Variants in NPSR1 observed in about 807,000 individuals in gnomAD.
The protein encoded by NPSR1 is neuropeptide S receptor 1.
A neutral mutation model predicts 46.9 loss-of-function variants in NPSR1; 48 were observed. The observed-to-expected ratio is 1.02, with a 90% CI of 0.81 to 1.30. NPSR1 has a LOEUF of 1.30. NPSR1 is among the 50% of genes most tolerant of loss of function. NPSR1 has a pLI of 0.00. For missense variants in NPSR1, 450 were observed against 449.5 expected, an observed-to-expected ratio of 1.00 and a Z score of -0.01; for synonymous variants, 176 against 168.1, an observed-to-expected ratio of 1.05 and a Z score of -0.36.
chr7:34,845,948 T>C (rs973504723), intron 7 of NPSR1, among the ~76,000 whole-genome samples: 14 of 152,114 alleles, frequency 9.2e-5, no homozygotes, highest in Admixed American at 4.6e-4. Flanking sequence ...GATCTCCCAT[T>C]AGCTGCATGT....
intron 2 of NPSR1, chr7:34,751,315 C>T (rs1327061436): frequency 1.7e-5 from 17 of 1,005,434 alleles, no homozygotes; most frequent in Non-Finnish European, 2.6e-5. Context: ...GAAAGTGGTA[C>T]TGATCATGCA....
intron 1 of NPSR1, among the ~76,000 whole-genome samples, chr7:34,671,078 A>G (rs1053188058): frequency 3.3e-5 from 5 of 152,204 alleles, no homozygotes; most frequent in African/African-American, 1.2e-4. Context: ...GTAAGTTTCT[A>G]GCAATGGAAT....
In NPSR1 at chr7:34,751,172, G is replaced by C; in HGVS notation, c.281-27290G>C. The C allele has an allele frequency of 3.7e-6, 4 of 1,084,202 alleles. No individual in the cohort carries two copies. The South Asian group carries it at 5.0e-5, about 14-fold the overall frequency. 67.2% of individuals were successfully genotyped at this position (1,084,202 alleles called of 1,614,324 possible). A position where few individuals can be genotyped will look rare whatever the true frequency, so the allele number is the denominator to read the frequency against. On this transcript the variant is annotated intron_variant, in intron 2 of 8. Coordinates refer to ENST00000360581, the MANE Select transcript of NPSR1 (RefSeq NM_207172.2). ...GGGTCCTGAAGGTGAGCATATAGAT[G>C]AGGAGTCCAGGGGTCCACCAGATTG...
intron 4 of NPSR1, among the ~76,000 whole-genome samples, chr7:34,812,592 G>A (rs575806045): frequency 1.3e-5 from 2 of 152,292 alleles, no homozygotes; most frequent in African/African-American, 4.8e-5. Flanking sequence ...GATTTGAAGA[G>A]GCAGAGAGGG....
chr7:34,858,616 C>T (rs1341944123), intron 8 of NPSR1, among the ~76,000 whole-genome samples: 1 of 151,886 alleles, frequency 6.6e-6, no homozygotes, highest in Non-Finnish European at 1.5e-5. Context: ...TACAGTTCCA[C>T]ATTGCTGGGG....
chr7:34,736,011 A>G (rs962042355), intron 2 of NPSR1, among the ~76,000 whole-genome samples: 1 of 152,238 alleles, frequency 6.6e-6, no homozygotes, highest in African/African-American at 2.4e-5. Context: ...CAGGGATGAG[A>G]AGGATCATTT....
chr7:34,822,190 G>A (rs1462627609), intron 4 of NPSR1, among the ~76,000 whole-genome samples: 1 of 152,192 alleles, frequency 6.6e-6, no homozygotes, highest in Non-Finnish European at 1.5e-5. Flanking sequence ...GTTCCAGGAA[G>A]CCCAACGCGG....
chr7:34,796,571 A>T (rs976692399), intron 3 of NPSR1, among the ~76,000 whole-genome samples: 1 of 152,350 alleles, frequency 6.6e-6, no homozygotes, highest in South Asian at 2.1e-4. Context: ...AAATGAAAAG[A>T]TGCTCATATA....
intron 8 of NPSR1, among the ~76,000 whole-genome samples, chr7:34,877,166 AG>A (rs1291966624): frequency 1.3e-5 from 2 of 152,096 alleles, no homozygotes; most frequent in Admixed American, 6.6e-5. Context: ...CAGCATGGAC[AG>A]TGTAGCCACT....
At chr7:34,768,770 T>C (rs1377718279) in intron 2 of NPSR1, among the ~76,000 whole-genome samples, 2 of 152,174 alleles carry the variant, frequency 1.3e-5, no homozygotes, top group African/African-American at 4.8e-5. Flanking sequence ...AAAGAAATCA[T>C]CAGTACCTAG....
intron 1 of NPSR1, among the ~76,000 whole-genome samples, chr7:34,676,445 C>G (rs1478764178): frequency 2.0e-5 from 3 of 152,196 alleles, no homozygotes; most frequent in Non-Finnish European, 4.4e-5. Context: ...GTGATATTCT[C>G]ACTCCTCTGA....
intron 2 of NPSR1, among the ~76,000 whole-genome samples, chr7:34,730,689 C>A (rs1021420833): frequency 6.6e-6 from 1 of 152,154 alleles, no homozygotes; most frequent in African/African-American, 2.4e-5. Flanking sequence ...GCATGACACA[C>A]CCCACCTAAT....
intron 2 of NPSR1, among the ~76,000 whole-genome samples, chr7:34,714,235 C>T (rs1783442318): frequency 6.6e-6 from 1 of 152,212 alleles, no homozygotes; most frequent in Admixed American, 6.5e-5. Context: ...GCAAGGACTC[C>T]TATGACCCAG....
At chr7:34,702,831 T>A (rs1314930530) in intron 2 of NPSR1, among the ~76,000 whole-genome samples, 1 of 152,234 alleles carries the variant, frequency 6.6e-6, no homozygotes, top group Admixed American at 6.5e-5. Context: ...GCTTTTGAAT[T>A]GGCTAATGTC....
chr7:34,790,946 ATATATGTTATATGTTATATTATATATGT>A (rs1562730026), intron 3 of NPSR1, among the ~76,000 whole-genome samples: 14,067 of 101,694 alleles, frequency 0.14, 1,682 homozygotes, highest in East Asian at 0.26. Flanking sequence ...ATTATATATC[ATATATGTTATATGTTATATTATATATGT>A]TATATGTTAT....
At chr7:34,661,431 G>C (rs992585563) in intron 1 of NPSR1, among the ~76,000 whole-genome samples, 1 of 152,058 alleles carries the variant, frequency 6.6e-6, no homozygotes, top group Admixed American at 6.5e-5. Flanking sequence ...GTCTTGCTCC[G>C]TCCACTTACC....
chr7:34,819,054 C>T (rs908044117), intron 4 of NPSR1, among the ~76,000 whole-genome samples: 2 of 152,028 alleles, frequency 1.3e-5, no homozygotes, highest in Non-Finnish European at 2.9e-5. Context: ...GCAACAAAAG[C>T]CAAAATTGAC....
intron 7 of NPSR1, among the ~76,000 whole-genome samples, chr7:34,846,460 C>CA (rs566142917): frequency 1.3e-5 from 2 of 151,748 alleles, no homozygotes; most frequent in Admixed American, 6.6e-5. Context: ...ATATATTGCC[C>CA]AAAAAATAAT....
chr7:34,701,397 T>C (rs1473251159), intron 2 of NPSR1, among the ~76,000 whole-genome samples: 1 of 152,200 alleles, frequency 6.6e-6, no homozygotes, highest in Non-Finnish European at 1.5e-5. Flanking sequence ...CCATTGATTC[T>C]TCTAAAAACC....
Sources: allele counts gnomAD v4.1 joint callset (sites outside exome capture counted in the v4.1 genomes callset), GRCh38; gene constraint gnomAD v4.1.1; transcripts MANE v1.5; gene names NCBI Gene and HGNC (gene_info 2026-07-23, HGNC 2026-07-21).